The following MINAR2 variants were observed in gnomAD, a reference collection of about 807,000 sequenced individuals.
MINAR2 encodes the protein membrane integral NOTCH2 associated receptor 2.
In MINAR2, 21 loss-of-function variants were observed where a neutral mutation model predicts 16.1. The observed-to-expected ratio is 1.31, with a 90% CI of 0.93 to 1.88. The LOEUF (loss-of-function observed/expected upper bound fraction) is 1.88. Among genes scored for constraint, MINAR2 ranks in the 40% most tolerant of loss-of-function variants. The probability of loss-of-function intolerance (pLI) is 0.00; values close to 1 mark genes in which losing one functional copy is unlikely to be tolerated. For missense variants in MINAR2, 259 were observed against 229.8 expected, an observed-to-expected ratio of 1.13 and a Z score of -0.82; for synonymous variants, 86 against 83.0, an observed-to-expected ratio of 1.04 and a Z score of -0.20.
intron 2 of MINAR2, 92 bp from the exon 3 acceptor site, chr5:129,764,792 C>T: frequency 1.6e-6 from 1 of 635,438 alleles, no homozygotes; most frequent in South Asian, 6.9e-5. Context: ...GACCATCAGT[C>T]CCCATGACAG....
At position 129,765,976 on chromosome 5, in the gene MINAR2, G is replaced by A. The variant is rs1758206987; in HGVS notation, c.*913G>A. ...GGCCAAAGGACCAAATACAAAACAG[G>A]TATGAACAGTATCTGGCTCGAAATA... On this transcript the variant is annotated 3_prime_UTR_variant, in exon 3 of 3. Coordinates refer to ENST00000564719, the MANE Select transcript of MINAR2 (RefSeq NM_001257308.2). 1.3e-5 allele frequency: 2 copies of A among 152,198 alleles called. No individual in the cohort carries two copies. Among genetic ancestry groups the A allele is most frequent in the Non-Finnish European group, 2.9e-5 (2 of 68,036 alleles). 9.4% of individuals were successfully genotyped at this position (152,198 alleles called of 1,614,324 possible).
chr5:129,764,378 C>G (rs1325325364), intron 2 of MINAR2, among the ~76,000 whole-genome samples: 3 of 152,296 alleles, frequency 2.0e-5, no homozygotes, highest in East Asian at 1.9e-4. Context: ...CCTACTACTT[C>G]CATGAAAGTC....
At chr5:129,759,572 T>C (rs1307941221) in intron 1 of MINAR2, among the ~76,000 whole-genome samples, 2 of 152,050 alleles carry the variant, frequency 1.3e-5, no homozygotes, top group African/African-American at 4.8e-5. Context: ...ATAGAAAATA[T>C]GAGATGAATC....
rs1170184749 is a variant in MINAR2 at position 129,748,341 on chromosome 5, C to A, written c.151C>A (p.Leu51Ile). 1.3e-6 allele frequency: 2 copies of A among 1,534,940 alleles called. No homozygotes were observed. Among genetic ancestry groups the A allele is most frequent in the Admixed American group, 3.9e-5 (2 of 50,972 alleles). ...TCCTGCTGCACAACACTGGCAAAAC[C>A]TTGTCTACTCACAGGTAAGATCTAG... Reference protein sequence around the residue: ...NYPAAQHWQNLVYSQREKKNI... With the variant: ...NYPAAQHWQNIVYSQREKKNI... The change falls in exon 1 of 3, where the codon CTT becomes ATT. Residue 51 changes from leucine to isoleucine, a missense_variant. Leu to Ile is a conservative substitution (Grantham distance 5). Transcript: ENST00000564719.
chr5:129,751,376 T>C (rs1172757541), intron 1 of MINAR2, among the ~76,000 whole-genome samples: 4 of 152,066 alleles, frequency 2.6e-5, no homozygotes, highest in Non-Finnish European at 5.9e-5. Context: ...GCCCAGCTAA[T>C]TTTTGTATTT....
rs1757940067 is a variant in MINAR2, at chr5:129,748,236, C to T, written c.46C>T (p.Leu16=). 1 of 1,535,212 alleles carries T rather than the reference C, an allele frequency of 6.5e-7. No individual in the cohort carries two copies. Among genetic ancestry groups the T allele is most frequent in the Non-Finnish European group, 8.7e-7 (1 of 1,146,558 alleles). The change falls in exon 1 of 3, where the codon CTG becomes TTG. Residue 16 remains leucine, a synonymous_variant. Coordinates refer to ENST00000564719, the MANE Select transcript of MINAR2 (RefSeq NM_001257308.2). ...LPNNNHPDKF[L]QLDVKSLTRS... ...AAATAACAACCATCCTGACAAATTCCTGCAGCTTGACGTAAAGTCTTTAAC... is the reference window on the plus strand; with the variant it reads ...AAATAACAACCATCCTGACAAATTCTTGCAGCTTGACGTAAAGTCTTTAAC...
At chr5:129,757,608 T>C (rs1758071745) in intron 1 of MINAR2, among the ~76,000 whole-genome samples, 2 of 152,014 alleles carry the variant, frequency 1.3e-5, no homozygotes, top group Non-Finnish European at 1.5e-5. Context: ...TTTTAAAGAT[T>C]GTTTAGTCTT....
At chr5:129,750,967 T>C (rs1757978183) in intron 1 of MINAR2, among the ~76,000 whole-genome samples, 1 of 152,188 alleles carries the variant, frequency 6.6e-6, no homozygotes, top group Non-Finnish European at 1.5e-5. Flanking sequence ...GCATGGTGTT[T>C]AGGATATAGA....
chr5:129,758,713 T>C (rs1758086878), intron 1 of MINAR2, among the ~76,000 whole-genome samples: 1 of 151,886 alleles, frequency 6.6e-6, no homozygotes, highest in Non-Finnish European at 1.5e-5. Context: ...ATTATCCCCC[T>C]TCAGAGATGA....
At chr5:129,760,284 A>G (rs1351866259) in intron 1 of MINAR2, 94 bp from the exon 2 acceptor site, 1 of 933,920 alleles carries the variant, frequency 1.1e-6, no homozygotes, top group Non-Finnish European at 1.6e-6. Flanking sequence ...GTTTCTGCAC[A>G]AAATCAGCAC....
intron 1 of MINAR2, among the ~76,000 whole-genome samples, chr5:129,750,767 T>C (rs368125497): frequency 3.9e-5 from 6 of 152,204 alleles, no homozygotes; most frequent in East Asian, 1.9e-4. Context: ...ATTTTATAAA[T>C]ATTGTGGATG....
rs1009881501 is a variant in MINAR2 at position 129,760,620 on chromosome 5, G to A, written c.393+15G>A. On this transcript the variant is annotated intron_variant, in intron 2 of 2. Coordinates refer to ENST00000564719, the MANE Select transcript of MINAR2 (RefSeq NM_001257308.2). ...GACATCTGAAGGTACTCACGACTAAGAGTCAACCTCTTCAACTGATAAGGG... is the reference window on the plus strand; with the variant it reads ...GACATCTGAAGGTACTCACGACTAAAAGTCAACCTCTTCAACTGATAAGGG... 20 of 1,512,200 alleles carry A rather than the reference G, an allele frequency of 1.3e-5. No individual in the cohort carries two copies. The African/African-American group carries it at 1.9e-4, about 15-fold the overall frequency. The allele number at this position is 1,512,200 out of a possible 1,614,324, so 93.7% of individuals were successfully genotyped here.
rs1758116423 is a variant in MINAR2, at chr5:129,760,356, G to A, written c.166-22G>A. On this transcript the variant is annotated intron_variant, in intron 1 of 2. Transcript: ENST00000564719. ...ATCAGAAGGCCCGTTGCTAAGAGAT[G>A]CCTTGTTTCTTTGCCTCTTAGAGGG... is the stretch of plus-strand genomic sequence containing the variant. The A allele has an allele frequency of 3.9e-6, 6 of 1,519,734 alleles. No individual in the cohort carries two copies. The African/African-American group carries it at 6.9e-5, about 17-fold the overall frequency. The allele number at this position is 1,519,734 out of a possible 1,614,324, so 94.1% of individuals were successfully genotyped here.
chr5:129,759,057 AT>A (rs575138122), intron 1 of MINAR2, among the ~76,000 whole-genome samples: 8 of 151,952 alleles, frequency 5.3e-5, no homozygotes, highest in Non-Finnish European at 8.8e-5. Context: ...TATCTAGATG[AT>A]TTTTTTTCCT....
chr5:129,765,157 T>C lies in MINAR2; in HGVS notation c.*94T>C. 3.1e-6 allele frequency: 2 copies of C among 651,130 alleles called. No homozygotes were observed. Among genetic ancestry groups the C allele is most frequent in the East Asian group, 3.3e-5 (1 of 30,354 alleles). The allele number at this position is 651,130 out of a possible 1,614,324, so 40.3% of individuals were successfully genotyped here. Reference sequence around the variant, plus strand: ...CCCACCAAAATAACAAAAAAACACATGTACATGCAGTGTGAATGGATTGTT... The same window carrying C: ...CCCACCAAAATAACAAAAAAACACACGTACATGCAGTGTGAATGGATTGTT... On this transcript the variant is annotated 3_prime_UTR_variant, in exon 3 of 3. Transcript: ENST00000564719.
chr5:129,763,421 G>T (rs2149547156), intron 2 of MINAR2, among the ~76,000 whole-genome samples: 1 of 152,254 alleles, frequency 6.6e-6, no homozygotes, highest in East Asian at 1.9e-4. Context: ...CCAAGTCCCT[G>T]TGGTCACTCC....
chr5:129,749,233 AT>A (rs1757956776), intron 1 of MINAR2, among the ~76,000 whole-genome samples: 1 of 152,212 alleles, frequency 6.6e-6, no homozygotes, highest in Non-Finnish European at 1.5e-5. Context: ...CCTGCAAGTC[AT>A]TAAATCCTTT....
At chr5:129,752,790 T>C (rs1323501794) in intron 1 of MINAR2, among the ~76,000 whole-genome samples, 1 of 149,394 alleles carries the variant, frequency 6.7e-6, no homozygotes, top group African/African-American at 2.5e-5. Flanking sequence ...TTTTTTTTTT[T>C]CCATTTATTG....
intron 1 of MINAR2, among the ~76,000 whole-genome samples, chr5:129,759,051 T>G (rs921888596): frequency 2.6e-5 from 4 of 151,990 alleles, no homozygotes; most frequent in African/African-American, 9.7e-5. Flanking sequence ...TGGTTTTATC[T>G]AGATGATTTT....
Sources: allele counts gnomAD v4.1 joint callset (sites outside exome capture counted in the v4.1 genomes callset), GRCh38; gene constraint gnomAD v4.1.1; transcripts MANE v1.5; gene names NCBI Gene and HGNC (gene_info 2026-07-23, HGNC 2026-07-21).